The following ITCH variants were observed in gnomAD, a reference collection of about 807,000 sequenced individuals.
ITCH encodes itchy E3 ubiquitin protein ligase.
In ITCH, 28 loss-of-function variants were observed where a neutral mutation model predicts 126.8. That is an observed-to-expected ratio of 0.22 (90% CI 0.16 to 0.30). ITCH has a LOEUF of 0.30. Ranked by LOEUF, ITCH falls within the 10% of genes least tolerant of loss-of-function variation. ITCH has a pLI of 1.00. For missense variants in ITCH, 631 were observed against 1,032.4 expected (o/e 0.61, Z 5.33); for synonymous variants, 342 against 340.0 (o/e 1.01, Z -0.06).
Position 34,510,291 on chromosome 20 carries a change from A to G in ITCH, c.*2497A>G, listed in dbSNP as rs565076965. The G allele has an allele frequency of 5.9e-5, 9 of 152,734 alleles. No individual in the cohort carries two copies. The South Asian group carries it at 6.2e-4, about 11-fold the overall frequency. The allele number at this position is 152,734 out of a possible 1,614,324, so 9.5% of individuals were successfully genotyped here. On this transcript the variant is annotated 3_prime_UTR_variant, in exon 25 of 25. Coordinates refer to ENST00000374864, the MANE Select transcript of ITCH (RefSeq NM_031483.7). ...AAATAGACCGCAGACATAAATATCT[A>G]CCAAATGCTATCTTAAATTTTGGTC...
Position 34,424,530 on chromosome 20 carries a change from G to A in ITCH, c.521+5G>A. 1 of 1,610,374 alleles carries A rather than the reference G, an allele frequency of 6.2e-7. No homozygotes were observed. The highest frequency in any genetic ancestry group is 8.5e-7 in the Non-Finnish European group (1 of 1,176,610). On this transcript the variant is annotated splice_donor_5th_base_variant and intron_variant, in intron 7 of 24. Transcript: ENST00000374864. ...CAGATCCAAGGATGAAACAAGGTAA[G>A]CATTCACTGATTGCTTACCACAGAA...
intron 24 of ITCH, among the ~76,000 whole-genome samples, chr20:34,507,277 TTTTTTTTTTTTTG>T (rs1329003791): frequency 2.2e-4 from 19 of 87,462 alleles, no homozygotes; most frequent in African/African-American, 7.2e-4. Flanking sequence ...TTTTTTTTTT[TTTTTTTTTTTTTG>T]GTTGTTGTTG....
At chr20:34,412,402 GT>G in intron 4 of ITCH, 112 bp from the exon 5 acceptor site, 1 of 765,668 alleles carries the variant, frequency 1.3e-6, no homozygotes, top group Non-Finnish European at 2.2e-6. Context: ...ATAGTAAACT[GT>G]AAGGGGTGCA....
At chr20:34,430,170 A>G (rs1601880758) in intron 7 of ITCH, among the ~76,000 whole-genome samples, 1 of 152,296 alleles carries the variant, frequency 6.6e-6, no homozygotes. Flanking sequence ...GTTAGGTACT[A>G]TTGTCTCATT....
intron 14 of ITCH, among the ~76,000 whole-genome samples, chr20:34,464,242 T>C (rs537232713): frequency 9.3e-5 from 14 of 150,882 alleles, no homozygotes; most frequent in Admixed American, 8.6e-4. Context: ...CCCACCTCAG[T>C]CTCCCAAAGT....
At chr20:34,449,359 C>T in intron 11 of ITCH, 52 bp from the exon 12 acceptor site, 1 of 1,080,658 alleles carries the variant, frequency 9.3e-7, no homozygotes, top group Non-Finnish European at 1.4e-6. Context: ...AGCTTGCTGT[C>T]AGATAAGTTG....
chr20:34,423,393 T>G (rs1248596367), intron 6 of ITCH, among the ~76,000 whole-genome samples: 1 of 152,228 alleles, frequency 6.6e-6, no homozygotes, highest in East Asian at 1.9e-4. Flanking sequence ...TTTTTTAAAT[T>G]AATCCACCAA....
At chr20:34,479,459 A>G (rs1275472757) in intron 17 of ITCH, among the ~76,000 whole-genome samples, 171 bp from the exon 18 acceptor site, 1 of 152,258 alleles carries the variant, frequency 6.6e-6, no homozygotes, top group Non-Finnish European at 1.5e-5. Context: ...GGTGTATACT[A>G]CCAACTCTGT....
chr20:34,396,331 C>T (rs2038675431), intron 3 of ITCH, among the ~76,000 whole-genome samples: 1 of 151,622 alleles, frequency 6.6e-6, no homozygotes, highest in Non-Finnish European at 1.5e-5. Context: ...ACTGCACGGG[C>T]CCAAATTATT....
chr20:34,483,194 C>T (rs1988879176), intron 20 of ITCH, among the ~76,000 whole-genome samples: 1 of 152,150 alleles, frequency 6.6e-6, no homozygotes, highest in Admixed American at 6.5e-5. Context: ...TCTGACGTGC[C>T]CTGTAGACAT....
At chr20:34,370,866 A>G (rs1304016087) in intron 2 of ITCH, among the ~76,000 whole-genome samples, 1 of 151,980 alleles carries the variant, frequency 6.6e-6, no homozygotes, top group Non-Finnish European at 1.5e-5. Flanking sequence ...GAGCAGGTGA[A>G]TTGTTAGATA....
intron 23 of ITCH, among the ~76,000 whole-genome samples, chr20:34,503,540 A>G (rs1471852721): frequency 6.6e-6 from 1 of 152,200 alleles, no homozygotes; most frequent in Non-Finnish European, 1.5e-5. Flanking sequence ...TAGGATATTT[A>G]CATTTCACAA....
intron 8 of ITCH, 120 bp from the exon 9 acceptor site, chr20:34,440,035 G>C: frequency 1.4e-6 from 1 of 701,362 alleles, no homozygotes; most frequent in Non-Finnish European, 2.4e-6. Flanking sequence ...ATTTTCACCT[G>C]TGCATCTACA....
chr20:34,453,567 A>G (rs1397582009), intron 12 of ITCH, among the ~76,000 whole-genome samples: 3 of 152,238 alleles, frequency 2.0e-5, no homozygotes, highest in Non-Finnish European at 4.4e-5. Flanking sequence ...ACTGCACTCC[A>G]GCCTGGACAA....
chr20:34,377,194 G>A (rs1209616944), intron 2 of ITCH, among the ~76,000 whole-genome samples: 3 of 151,948 alleles, frequency 2.0e-5, no homozygotes, highest in South Asian at 2.1e-4. Flanking sequence ...CCAACAGGGC[G>A]AAACCTCGTG....
At chr20:34,477,716 G>C (rs1202841646) in intron 16 of ITCH, 56 bp from the exon 17 acceptor site, 1 of 1,508,798 alleles carries the variant, frequency 6.6e-7, no homozygotes, top group African/African-American at 1.4e-5. Flanking sequence ...CCTAGAAGTG[G>C]TAGACAGTGT....
At chr20:34,411,982 G>C (rs568428758) in intron 4 of ITCH, among the ~76,000 whole-genome samples, 2 of 152,162 alleles carry the variant, frequency 1.3e-5, no homozygotes, top group African/African-American at 4.8e-5. Flanking sequence ...TGTAGCTGAC[G>C]TGAGGAACTT....
chr20:34,409,454 C>T (rs1342581859), intron 4 of ITCH, among the ~76,000 whole-genome samples: 1 of 152,126 alleles, frequency 6.6e-6, no homozygotes, highest in Non-Finnish European at 1.5e-5. Flanking sequence ...AGTGCTCTCT[C>T]TCAACCTTCC....
intron 3 of ITCH, among the ~76,000 whole-genome samples, chr20:34,403,632 A>G (rs1208987471): frequency 6.6e-6 from 1 of 152,218 alleles, no homozygotes; most frequent in African/African-American, 2.4e-5. Context: ...GGTGAGTTAA[A>G]TGAGTAAAAA....
Sources: gnomAD v4.1 joint callset for allele counts (sites outside exome capture counted in the v4.1 genomes callset) on GRCh38, gnomAD v4.1.1 for gene constraint, MANE v1.5 for transcripts, NCBI Gene and HGNC (gene_info 2026-07-23, HGNC 2026-07-21) for gene names.